MAP3K5: variants seen among roughly 807,000 people sequenced by gnomAD.
MAP3K5 encodes ASK-1.
MAP3K5 carries 56 observed loss-of-function variants against 158.7 expected under a neutral mutation model. That is an observed-to-expected ratio of 0.35 (90% CI 0.28 to 0.44). The LOEUF (loss-of-function observed/expected upper bound fraction) is 0.44. Among genes scored for constraint, MAP3K5 ranks in the 20% least tolerant of loss-of-function variants. The pLI is 1.00. For missense variants in MAP3K5, 1,294 were observed against 1,674.8 expected (o/e 0.77, Z 3.97); for synonymous variants, 579 against 601.7 (o/e 0.96, Z 0.55).
chr6:136,599,171 G>A (rs913429760), intron 21 of MAP3K5, among the ~76,000 whole-genome samples: 1 of 139,666 alleles, frequency 7.2e-6, no homozygotes, highest in African/African-American at 2.6e-5. Flanking sequence ...AAAAAAAAGG[G>A]GGGGGGGGCG....
chr6:136,583,221 A>C (rs1237828440), intron 24 of MAP3K5, among the ~76,000 whole-genome samples: 2 of 152,250 alleles, frequency 1.3e-5, no homozygotes, highest in Non-Finnish European at 2.9e-5. Flanking sequence ...AGCATTAGAA[A>C]ATGTATGACT....
intron 25 of MAP3K5, among the ~76,000 whole-genome samples, chr6:136,577,784 T>C (rs1023554171): frequency 8.5e-5 from 13 of 152,252 alleles, no homozygotes; most frequent in Non-Finnish European, 1.3e-4. Flanking sequence ...TAATATATCT[T>C]ACATAACTAT....
rs529215255 is a variant in MAP3K5 at position 136,596,420 on chromosome 6, C to T, written c.2879-3806G>A. Among the ~76,000 whole-genome samples the T allele has an allele frequency of 1.1e-4, 17 of 152,192 alleles. No homozygotes were observed. In the South Asian group the frequency reaches 3.3e-3, roughly 30 times the overall value. ...CCCAGTGATCGCGTGGAAGGGGAGA[C>T]GCTACATGGGTGGGAAGGAAGAGGT... On this transcript the variant is annotated intron_variant, in intron 21 of 29. Coordinates refer to ENST00000359015, the MANE Select transcript of MAP3K5 (RefSeq NM_005923.4).
At position 136,560,335 on chromosome 6, in the gene MAP3K5, C is replaced by T. The variant is rs117224758; in HGVS notation, c.3987+1198G>A. Among the ~76,000 whole-genome samples, 1,893 of 152,146 alleles carry T rather than the reference C, an allele frequency of 0.012. 91 individuals are homozygous for T. In the East Asian group the frequency reaches 0.14, roughly 11 times the overall value. On this transcript the variant is annotated intron_variant, in intron 28 of 29. Coordinates refer to ENST00000359015, the MANE Select transcript of MAP3K5 (RefSeq NM_005923.4). Reference sequence around the variant, plus strand: ...TTTCTACTAAAAGTACAAAAATTAGCCAGGCTTAGTGGCATATGCCTGTAA... The same window carrying T: ...TTTCTACTAAAAGTACAAAAATTAGTCAGGCTTAGTGGCATATGCCTGTAA...
intron 8 of MAP3K5, among the ~76,000 whole-genome samples, chr6:136,661,291 G>T (rs1778993892): frequency 6.6e-6 from 1 of 152,070 alleles, no homozygotes; most frequent in African/African-American, 2.4e-5. Context: ...TTCACATTTT[G>T]TGAGGGTAAA....
At chr6:136,639,336 T>A (rs1281411683) in intron 13 of MAP3K5, among the ~76,000 whole-genome samples, 2 of 152,050 alleles carry the variant, frequency 1.3e-5, no homozygotes, top group Admixed American at 6.6e-5. Context: ...AAATAAGTTA[T>A]GACTAAGATA....
At chr6:136,560,950 TATAAAATAAA>T (rs375236222) in intron 28 of MAP3K5, among the ~76,000 whole-genome samples, 1,664 of 144,756 alleles carry the variant, frequency 0.011, 11 homozygotes, top group East Asian at 0.041. Flanking sequence ...TCCAAAAAAA[TATAAAATAAA>T]ATAAAATAAA....
intron 1 of MAP3K5, among the ~76,000 whole-genome samples, chr6:136,765,917 T>C (rs1783948596): frequency 6.6e-6 from 1 of 152,074 alleles, no homozygotes; most frequent in African/African-American, 2.4e-5. Context: ...AGAGCCAAGA[T>C]TAAACACCAC....
At chr6:136,631,461 G>A (rs1777347352) in intron 14 of MAP3K5, among the ~76,000 whole-genome samples, 1 of 151,762 alleles carries the variant, frequency 6.6e-6, no homozygotes, top group Admixed American at 6.6e-5. Flanking sequence ...AAACAGTAAG[G>A]TCTTCCATCT....
intron 1 of MAP3K5, among the ~76,000 whole-genome samples, chr6:136,770,793 C>A (rs527984986): frequency 6.6e-6 from 1 of 151,798 alleles, no homozygotes; most frequent in Non-Finnish European, 1.5e-5. Flanking sequence ...GAATACTTCT[C>A]GGATATATGT....
At chr6:136,640,970 C>G (rs1777903355) in intron 12 of MAP3K5, among the ~76,000 whole-genome samples, 1 of 152,120 alleles carries the variant, frequency 6.6e-6, no homozygotes, top group Admixed American at 6.6e-5. Context: ...TCATAAATCA[C>G]AACAACTGTT....
At chr6:136,667,318 A>T (rs1779270176) in intron 8 of MAP3K5, among the ~76,000 whole-genome samples, 1 of 152,232 alleles carries the variant, frequency 6.6e-6, no homozygotes, top group South Asian at 2.1e-4. Flanking sequence ...GATTTTGGCT[A>T]GTATAGAGTT....
At chr6:136,663,945 AT>A (rs565181102) in intron 8 of MAP3K5, among the ~76,000 whole-genome samples, 283 of 151,634 alleles carry the variant, frequency 1.9e-3, no homozygotes, top group Non-Finnish European at 3.4e-3. Flanking sequence ...CCCTCTACAC[AT>A]TTTTTTTATG....
At chr6:136,642,030 A>AAAAATAAAATAAAATAAAAT (rs57982866) in intron 12 of MAP3K5, among the ~76,000 whole-genome samples, 5 of 119,324 alleles carry the variant, frequency 4.2e-5, no homozygotes, top group African/African-American at 1.4e-4. Context: ...AAAATAAAAT[A>AAAAATAAAATAAAATAAAAT]AAAATAAAAT....
At chr6:136,670,575 A>G (rs1369365304) in intron 7 of MAP3K5, among the ~76,000 whole-genome samples, 1 of 152,206 alleles carries the variant, frequency 6.6e-6, no homozygotes, top group African/African-American at 2.4e-5. Flanking sequence ...AGACAGGAAT[A>G]GTAAACATAG....
intron 25 of MAP3K5, among the ~76,000 whole-genome samples, chr6:136,572,384 G>A (rs1454946574): frequency 2.0e-5 from 3 of 152,080 alleles, no homozygotes; most frequent in Non-Finnish European, 1.5e-5. Flanking sequence ...TCAGCCTTCC[G>A]AGTAGCTGGG....
intron 2 of MAP3K5, 96 bp downstream of exon 2, chr6:136,720,354 T>C: frequency 8.3e-7 from 1 of 1,200,058 alleles, no homozygotes; most frequent in East Asian, 2.6e-5. Flanking sequence ...ATAAAAGTCT[T>C]TCACAAATAA....
chr6:136,641,991 A>AAAAT (rs1380297622), intron 12 of MAP3K5, among the ~76,000 whole-genome samples: 66 of 108,608 alleles, frequency 6.1e-4, no homozygotes, highest in Admixed American at 2.0e-3. Flanking sequence ...TCTGTCTCAC[A>AAAAT]AAATAAAATA....
intron 2 of MAP3K5, among the ~76,000 whole-genome samples, chr6:136,719,277 T>C (rs1406372013): frequency 6.6e-6 from 1 of 152,082 alleles, no homozygotes; most frequent in African/African-American, 2.4e-5. Flanking sequence ...GGGTTGCAAA[T>C]AGCAGCAAAT....
Sources: allele counts gnomAD v4.1 joint callset (sites outside exome capture counted in the v4.1 genomes callset), GRCh38; gene constraint gnomAD v4.1.1; transcripts MANE v1.5; gene names NCBI Gene and HGNC (gene_info 2026-07-23, HGNC 2026-07-21).